Variants in FBXL17 observed in about 807,000 individuals in gnomAD.
The protein encoded by FBXL17 is F-box and leucine rich repeat protein 17, also known as F-box/LRR-repeat protein 17.
Under a neutral mutation model 66.2 loss-of-function variants are expected in FBXL17, and 22 were observed. That is an observed-to-expected ratio of 0.33 (90% CI 0.24 to 0.47). The LOEUF (loss-of-function observed/expected upper bound fraction) is 0.47, where lower values mean the gene tolerates loss of function less well. Ranked by LOEUF, FBXL17 falls within the 20% of genes least tolerant of loss-of-function variation. The pLI is 1.00. For synonymous variants in FBXL17, 474 were observed against 400.5 expected (o/e 1.18, Z -2.19); for missense variants, 878 against 948.2 (o/e 0.93, Z 0.97).
chr5:108,065,084 T>G lies in FBXL17; in HGVS notation c.1746-44083A>C, dbSNP rs1211514449. On this transcript the variant is annotated intron_variant, in intron 6 of 8. Coordinates refer to ENST00000542267, the MANE Select transcript of FBXL17 (RefSeq NM_001163315.3). Reference sequence around the variant, plus strand: ...TTTCTTTCCTTGGAGGCTACCCTATTAGCAATTTCTTAAATGACTTTTCAG... The same window carrying G: ...TTTCTTTCCTTGGAGGCTACCCTATGAGCAATTTCTTAAATGACTTTTCAG... Among the ~76,000 whole-genome samples, 5 of 152,126 alleles carry G rather than the reference T, an allele frequency of 3.3e-5. No individual in the cohort carries two copies. In the East Asian group the frequency reaches 7.7e-4, roughly 23 times the overall value.
chr5:108,084,328 T>C (rs1230585348), intron 6 of FBXL17, among the ~76,000 whole-genome samples: 1 of 152,232 alleles, frequency 6.6e-6, no homozygotes, highest in Non-Finnish European at 1.5e-5. Flanking sequence ...AAGGGCTATG[T>C]TCTGTCTTGG....
chr5:108,284,540 G>T (rs761631911), intron 4 of FBXL17, among the ~76,000 whole-genome samples: 1 of 151,810 alleles, frequency 6.6e-6, no homozygotes, highest in Non-Finnish European at 1.5e-5. Flanking sequence ...AGATAAGGAA[G>T]ACTTGGAAAA....
At chr5:108,160,401 T>C (rs40071) in intron 6 of FBXL17, among the ~76,000 whole-genome samples, 33,949 of 152,116 alleles carry the variant, frequency 0.22, 4,333 homozygotes, top group East Asian at 0.54. Flanking sequence ...TTCTCTATAA[T>C]TGTAACTACA....
intron 4 of FBXL17, among the ~76,000 whole-genome samples, chr5:108,324,835 T>C (rs780081952): frequency 2.6e-5 from 4 of 152,076 alleles, no homozygotes; most frequent in East Asian, 3.8e-4. Context: ...TGCTACAACA[T>C]AGATGAATCT....
chr5:108,364,367 T>C (rs1748528480), intron 3 of FBXL17, among the ~76,000 whole-genome samples: 1 of 152,002 alleles, frequency 6.6e-6, no homozygotes, highest in South Asian at 2.1e-4. Flanking sequence ...CATTCAGATA[T>C]TTAAGCATGT....
At chr5:108,095,726 CATA>C (rs1390471820) in intron 6 of FBXL17, among the ~76,000 whole-genome samples, 2 of 151,934 alleles carry the variant, frequency 1.3e-5, no homozygotes, top group African/African-American at 2.4e-5. Flanking sequence ...ACAATTTATT[CATA>C]ATAAGAACTA....
chr5:108,293,384 T>C (rs1758202317), intron 4 of FBXL17, among the ~76,000 whole-genome samples: 1 of 152,170 alleles, frequency 6.6e-6, no homozygotes, highest in African/African-American at 2.4e-5. Context: ...TTCCATTAAG[T>C]GAAAGACATT....
At chr5:108,181,159 G>A (rs543462189) in intron 6 of FBXL17, among the ~76,000 whole-genome samples, 3 of 152,108 alleles carry the variant, frequency 2.0e-5, no homozygotes, top group Non-Finnish European at 2.9e-5. Context: ...TCTGGACTCC[G>A]CGTCAAACAT....
rs369652150 is a variant in FBXL17 at position 108,083,250 on chromosome 5, C to CACACAG, written c.1746-62250_1746-62249insCTGTGT. 6.9e-3 allele frequency among the ~76,000 whole-genome samples: 1,009 copies of CACACAG among 145,556 alleles called. 8 individuals carry two copies. The highest frequency in any genetic ancestry group is 0.016 in the East Asian group (81 of 4,958). On this transcript the variant is annotated intron_variant, in intron 6 of 8. Transcript: ENST00000542267. ...ACACACACACACACACACACACACA[C>CACACAG]AGAGAGAGAGATAGACAGATATATT...
intron 4 of FBXL17, among the ~76,000 whole-genome samples, chr5:108,289,560 T>C (rs1429528247): frequency 6.6e-6 from 1 of 152,102 alleles, no homozygotes; most frequent in Non-Finnish European, 1.5e-5. Flanking sequence ...TGAGAAGGTA[T>C]GGGGACTATA....
At chr5:107,918,098 A>G (rs897703278) in intron 7 of FBXL17, among the ~76,000 whole-genome samples, 4 of 152,018 alleles carry the variant, frequency 2.6e-5, no homozygotes, top group African/African-American at 7.2e-5. Flanking sequence ...GCTGAGGAAG[A>G]CTTTTGGTGA....
intron 7 of FBXL17, among the ~76,000 whole-genome samples, chr5:108,010,024 T>C (rs921906879): frequency 6.6e-6 from 1 of 152,174 alleles, no homozygotes; most frequent in Admixed American, 6.6e-5. Flanking sequence ...TTCTTACTTA[T>C]ATATTGAGAG....
chr5:107,985,826 G>A (rs1302418969), intron 7 of FBXL17, among the ~76,000 whole-genome samples: 1 of 152,080 alleles, frequency 6.6e-6, no homozygotes, highest in African/African-American at 2.4e-5. Context: ...AATCTCTTTT[G>A]GTTTTGCTTC....
chr5:108,132,534 T>C (rs778540370), intron 6 of FBXL17, among the ~76,000 whole-genome samples: 5 of 152,348 alleles, frequency 3.3e-5, no homozygotes, highest in South Asian at 2.1e-4. Context: ...CTATATAATA[T>C]GTTGTATGTA....
intron 7 of FBXL17, among the ~76,000 whole-genome samples, chr5:107,899,501 TGGC>T (rs959642160): frequency 2.6e-5 from 4 of 152,126 alleles, no homozygotes; most frequent in African/African-American, 9.7e-5. Context: ...AAAGGTGTGA[TGGC>T]AGGCATCTGT....
intron 4 of FBXL17, among the ~76,000 whole-genome samples, chr5:108,246,998 G>T (rs1393144548): frequency 6.6e-6 from 1 of 152,060 alleles, no homozygotes; most frequent in African/African-American, 2.4e-5. Context: ...GCCTGACTGG[G>T]AGTAAATATT....
At chr5:108,260,872 C>T (rs1756788894) in intron 4 of FBXL17, among the ~76,000 whole-genome samples, 2 of 152,120 alleles carry the variant, frequency 1.3e-5, no homozygotes, top group South Asian at 4.1e-4. Context: ...CACAGTCTCG[C>T]ATTTTACATA....
intron 5 of FBXL17, among the ~76,000 whole-genome samples, chr5:108,189,509 A>G (rs557129015): frequency 5.5e-4 from 84 of 152,272 alleles, no homozygotes; most frequent in Middle Eastern, 3.4e-3. Flanking sequence ...TGAGAGAAAC[A>G]CAGTGAGAAA....
intron 4 of FBXL17, among the ~76,000 whole-genome samples, chr5:108,228,900 C>A (rs1218403899): frequency 2.0e-5 from 3 of 152,122 alleles, no homozygotes; most frequent in Non-Finnish European, 2.9e-5. Context: ...GAGTTGCACA[C>A]AAGAATCACC....
Sources: allele counts gnomAD v4.1 joint callset (sites outside exome capture counted in the v4.1 genomes callset), GRCh38; gene constraint gnomAD v4.1.1; transcripts MANE v1.5; gene names NCBI Gene and HGNC (gene_info 2026-07-23, HGNC 2026-07-21).